SOD2: variants seen among roughly 807,000 people sequenced by gnomAD.
SOD2 encodes the protein superoxide dismutase 2, also known as superoxide dismutase [Mn], mitochondrial.
Under a neutral mutation model 27.0 loss-of-function variants are expected in SOD2, and 11 were observed. That is an observed-to-expected ratio of 0.41 (90% CI 0.26 to 0.67). SOD2 has a LOEUF of 0.67. Ranked by LOEUF, SOD2 falls within the 30% of genes least tolerant of loss-of-function variation. SOD2 has a pLI of 0.34. For synonymous variants in SOD2, 105 were observed against 103.0 expected (o/e 1.02, Z -0.12); for missense variants, 250 against 274.5 (o/e 0.91, Z 0.63).
chr6:159,682,502 GC>G lies in SOD2; in HGVS notation c.659del (p.Cys220SerfsTer10). On this transcript the variant is annotated frameshift_variant, in exon 5 of 5. Coordinates refer to ENST00000538183, the MANE Select transcript of SOD2 (RefSeq NM_000636.4). LOFTEE classifies it high-confidence loss of function. Reference protein sequence around the residue: ...WENVTERYMACKK With the variant: ...WENVTERYMAXKK ...GCATAACGATCGTGGTTTACTTTTTGCAAGCCATGTATCTTTCAGTTACATT... is the reference window on the plus strand; with the variant it reads ...GCATAACGATCGTGGTTTACTTTTTGAAGCCATGTATCTTTCAGTTACATT... 1.2e-6 allele frequency: 2 copies of G among 1,612,582 alleles called. No individual in the cohort carries two copies. The highest frequency in any genetic ancestry group is 1.7e-6 in the Non-Finnish European group (2 of 1,179,520).
upstream of SOD2, among the ~76,000 whole-genome samples, chr6:159,693,833 AC>A (rs1360290645): frequency 6.6e-6 from 1 of 152,204 alleles, no homozygotes; most frequent in Non-Finnish European, 1.5e-5. Context: ...CTTGCGCCGT[AC>A]CCTTGCTTTG....
intron 1 of SOD2, among the ~76,000 whole-genome samples, chr6:159,718,349 G>C (rs752081733): frequency 2.6e-5 from 4 of 152,090 alleles, no homozygotes; most frequent in Non-Finnish European, 5.9e-5. Context: ...CACTTAGGCT[G>C]AGTCTTTATC....
chr6:159,724,332 C>T (rs2842969), intron 1 of SOD2, among the ~76,000 whole-genome samples: 116,065 of 152,042 alleles, frequency 0.76, 44,695 homozygotes, highest in South Asian at 0.85. Flanking sequence ...CATTCTCTCA[C>T]ACACTGCACA....
At chr6:159,718,618 T>C (rs1256316087) in intron 1 of SOD2, among the ~76,000 whole-genome samples, 3 of 152,248 alleles carry the variant, frequency 2.0e-5, no homozygotes, top group Non-Finnish European at 4.4e-5. Flanking sequence ...TATTGGGTTA[T>C]GTTGCATTGC....
At chr6:159,698,979 T>G (rs1777479676) in intron 1 of SOD2, among the ~76,000 whole-genome samples, 1 of 151,302 alleles carries the variant, frequency 6.6e-6, no homozygotes, top group Non-Finnish European at 1.5e-5. Flanking sequence ...TACATAGAAG[T>G]GGACCCATGC....
At chr6:159,724,649 A>T (rs1347202678) in intron 1 of SOD2, among the ~76,000 whole-genome samples, 3 of 152,098 alleles carry the variant, frequency 2.0e-5, no homozygotes, top group Non-Finnish European at 2.9e-5. Context: ...ACTTGAGCCC[A>T]GGAGTTCAAG....
rs1218372774 is a variant in SOD2, at chr6:159,688,222, C to T, written c.247G>A (p.Ala83Thr). The change falls in exon 3 of 5, where the codon GCT becomes ACT. Residue 83 changes from alanine to threonine, a missense_variant. Physicochemically the swap from Ala to Thr is moderately conservative, Grantham distance 58 (BLOSUM62 0). Coordinates refer to ENST00000538183, the MANE Select transcript of SOD2 (RefSeq NM_000636.4). Reference sequence around the variant, plus strand: ...TTGAACTTCAGTGCAGGCTGAAGAGCTATCTGGGCTGTAACATCTCCTGAA... The same window carrying T: ...TTGAACTTCAGTGCAGGCTGAAGAGTTATCTGGGCTGTAACATCTCCTGAA... ...LAKGDVTAQI[A>T]LQPALKFNGG... is the part of the protein sequence containing the mutation. 1 of 1,610,414 alleles carries T rather than the reference C, an allele frequency of 6.2e-7. No individual in the cohort carries two copies. The highest frequency in any genetic ancestry group is 8.5e-7 in the Non-Finnish European group (1 of 1,177,256).
chr6:159,734,580 A>C (rs1778791266), intron 1 of SOD2, among the ~76,000 whole-genome samples: 1 of 152,146 alleles, frequency 6.6e-6, no homozygotes, highest in South Asian at 2.1e-4. Context: ...GGAGGCTGAG[A>C]TGAGAGTATG....
intron 1 of SOD2, among the ~76,000 whole-genome samples, chr6:159,741,058 C>G (rs2114917842): frequency 6.6e-6 from 1 of 152,244 alleles, no homozygotes; most frequent in South Asian, 2.1e-4. Flanking sequence ...AAATGGTTTT[C>G]TAAAGCCAAA....
At chr6:159,733,007 A>G (rs1049899216) in intron 1 of SOD2, among the ~76,000 whole-genome samples, 1 of 151,974 alleles carries the variant, frequency 6.6e-6, no homozygotes, top group African/African-American at 2.4e-5. Flanking sequence ...AGCCTAATGC[A>G]TGTGTCATGC....
At chr6:159,733,948 A>G (rs1427616630) in intron 1 of SOD2, among the ~76,000 whole-genome samples, 1 of 152,222 alleles carries the variant, frequency 6.6e-6, no homozygotes, top group African/African-American at 2.4e-5. Flanking sequence ...GAAAGAAGCA[A>G]GCCAGTAATC....
At chr6:159,739,813 A>G (rs1174286293) in intron 1 of SOD2, among the ~76,000 whole-genome samples, 2 of 134,782 alleles carry the variant, frequency 1.5e-5, no homozygotes, top group Middle Eastern at 4.0e-3. Context: ...TATTATGAAC[A>G]CACTTTTTAC....
At chr6:159,744,016 T>C (rs1034580959) in intron 1 of SOD2, among the ~76,000 whole-genome samples, 2 of 152,200 alleles carry the variant, frequency 1.3e-5, no homozygotes, top group African/African-American at 4.8e-5. Context: ...TTTTGAAATT[T>C]TCATGCCTTA....
Position 159,750,489 on chromosome 6 carries a change from C to A in SOD2, c.-335-1813G>T, listed in dbSNP as rs114667352. On this transcript the variant is annotated intron_variant, in intron 1 of 7. Transcript: ENST00000546087. ...GATGTGACCTTGACATCCTCATTCT[C>A]TTCTCCAAGAGCAGTAACTGCTATT... Among the ~76,000 whole-genome samples, 790 of 152,310 alleles carry A rather than the reference C, an allele frequency of 5.2e-3. 5 individuals are homozygous for A. Among genetic ancestry groups the A allele is most frequent in the African/African-American group, 0.018 (748 of 41,586 alleles).
chr6:159,733,055 G>A (rs57333944), intron 1 of SOD2, among the ~76,000 whole-genome samples: 6,535 of 152,150 alleles, frequency 0.043, 231 homozygotes, highest in African/African-American at 0.082. Context: ...GTTAAATATG[G>A]TGATGGTTTC....
intron 3 of SOD2, among the ~76,000 whole-genome samples, chr6:159,685,478 GT>G (rs1305419139): frequency 1.3e-5 from 2 of 152,040 alleles, no homozygotes; most frequent in African/African-American, 4.8e-5. Context: ...CCAACCTCAG[GT>G]GATCCACCCG....
intron 1 of SOD2, among the ~76,000 whole-genome samples, chr6:159,744,352 A>C (rs1488185953): frequency 6.6e-6 from 1 of 152,212 alleles, no homozygotes; most frequent in Non-Finnish European, 1.5e-5. Context: ...GTAATTATAC[A>C]AAATAATTAG....
intron 1 of SOD2, among the ~76,000 whole-genome samples, chr6:159,724,955 A>G (rs1434042993): frequency 6.6e-6 from 1 of 151,990 alleles, no homozygotes; most frequent in Non-Finnish European, 1.5e-5. Context: ...AGAGAAAGAA[A>G]AAAAGAAAAG....
At chr6:159,694,618 C>T (rs1017834102), upstream of SOD2, among the ~76,000 whole-genome samples, 1 of 152,024 alleles carries the variant, frequency 6.6e-6, no homozygotes, top group Non-Finnish European at 1.5e-5. Flanking sequence ...ATTTTTGAGA[C>T]ACAGCCTCGC....
Sources: gnomAD v4.1 joint callset for allele counts (sites outside exome capture counted in the v4.1 genomes callset) on GRCh38, gnomAD v4.1.1 for gene constraint, MANE v1.5 for transcripts, NCBI Gene and HGNC (gene_info 2026-07-23, HGNC 2026-07-21) for gene names.